Variants in RAD54L2 observed in about 807,000 individuals in gnomAD.
RAD54L2 encodes the protein RAD54 like 2.
Under a neutral mutation model 138.4 loss-of-function variants are expected in RAD54L2, and 27 were observed. That is an observed-to-expected ratio of 0.20 (90% CI 0.14 to 0.27). The LOEUF (loss-of-function observed/expected upper bound fraction) is 0.27. Ranked by LOEUF, RAD54L2 falls within the 10% of genes least tolerant of loss-of-function variation. The pLI, the probability that RAD54L2 is intolerant of heterozygous loss-of-function variation, is 1.00. For missense variants in RAD54L2, 1,396 were observed against 1,890.2 expected, an observed-to-expected ratio of 0.74 and a Z score of 4.85; for synonymous variants, 644 against 723.2, an observed-to-expected ratio of 0.89 and a Z score of 1.76.
At chr3:51,574,416 G>T (rs1442729903) in intron 2 of RAD54L2, among the ~76,000 whole-genome samples, 1 of 152,158 alleles carries the variant, frequency 6.6e-6, no homozygotes, top group Non-Finnish European at 1.5e-5. Context: ...TTGAGGAATC[G>T]CCACACTGTC....
intron 2 of RAD54L2, among the ~76,000 whole-genome samples, chr3:51,557,032 T>C (rs1333563798): frequency 6.6e-6 from 1 of 152,194 alleles, no homozygotes; most frequent in African/African-American, 2.4e-5. Flanking sequence ...TCATCCTTGC[T>C]GGGAGGGATG....
rs769062366 is a variant in RAD54L2, at chr3:51,556,607, G to A, written c.-55+14957G>A. On this transcript the variant is annotated intron_variant, in intron 2 of 22. Coordinates refer to ENST00000684192, the MANE Select transcript of RAD54L2 (RefSeq NM_015106.4). Reference sequence around the variant, plus strand: ...CTCTTTTTTTTTGAGACAGAGTTTCGCTCTTGTTGCCCAGGCTAGAGTGCA... The same window carrying A: ...CTCTTTTTTTTTGAGACAGAGTTTCACTCTTGTTGCCCAGGCTAGAGTGCA... 4.7e-5 allele frequency among the ~76,000 whole-genome samples: 7 copies of A among 149,740 alleles called. No individual in the cohort carries two copies. The East Asian group carries it at 9.9e-4, about 21-fold the overall frequency.
intron 2 of RAD54L2, among the ~76,000 whole-genome samples, chr3:51,589,205 G>T (rs1699781325): frequency 1.3e-5 from 2 of 152,074 alleles, no homozygotes; most frequent in Admixed American, 1.3e-4. Flanking sequence ...TCATAATTTG[G>T]GCTAGACTAC....
intron 2 of RAD54L2, among the ~76,000 whole-genome samples, chr3:51,570,986 T>C (rs185730869): frequency 3.3e-5 from 5 of 152,200 alleles, no homozygotes; most frequent in Admixed American, 3.3e-4. Flanking sequence ...CGTGCCTGGC[T>C]AATTTTTGTA....
chr3:51,648,744 G>A (rs1165846183), intron 19 of RAD54L2, among the ~76,000 whole-genome samples: 1 of 152,196 alleles, frequency 6.6e-6, no homozygotes, highest in Non-Finnish European at 1.5e-5. Context: ...CTACAGAAAG[G>A]AATAGCATCA....
At chr3:51,661,622 AGCTAGAATGCTAGAGG>A (rs1336390120) in intron 22 of RAD54L2, among the ~76,000 whole-genome samples, 2 of 152,178 alleles carry the variant, frequency 1.3e-5, no homozygotes, top group Admixed American at 6.5e-5. Context: ...CCCACCCCTG[AGCTAGAATGCTAGAGG>A]GCTAGAATGC....
chr3:51,618,987 G>C (rs1336827808), intron 3 of RAD54L2, among the ~76,000 whole-genome samples: 2 of 152,142 alleles, frequency 1.3e-5, no homozygotes, highest in African/African-American at 4.8e-5. Flanking sequence ...AGGTCTGCTA[G>C]GTATGCCTTT....
In RAD54L2 at chr3:51,538,866, G is replaced by A. The variant is rs1559608661; in HGVS notation, c.-166G>A. On this transcript the variant is annotated 5_prime_UTR_variant, in exon 1 of 23. Coordinates refer to ENST00000684192, the MANE Select transcript of RAD54L2 (RefSeq NM_015106.4). ...CTAGGCGGGCGAAGCTGAACGTGAG[G>A]TCCCTCGGCCCTGCGCGGTCCGGCG... 6.6e-6 allele frequency among the ~76,000 whole-genome samples: 1 copy of A among 152,046 alleles called. No individual in the cohort carries two copies. Among genetic ancestry groups the A allele is most frequent in the Non-Finnish European group, 1.5e-5 (1 of 67,980 alleles).
chr3:51,582,766 C>CTTTTTTTT (rs61245532), intron 2 of RAD54L2, among the ~76,000 whole-genome samples: 14,168 of 146,432 alleles, frequency 0.097, 1,416 homozygotes, highest in East Asian at 0.32. Context: ...CCAGGGAAGT[C>CTTTTTTTT]TTTTTTTTTT....
chr3:51,650,472 A>G (rs1490225615), intron 19 of RAD54L2, among the ~76,000 whole-genome samples: 1 of 152,214 alleles, frequency 6.6e-6, no homozygotes, highest in African/African-American at 2.4e-5. Flanking sequence ...CCCCAAATCA[A>G]TAGAATACAC....
In RAD54L2 at chr3:51,594,860, C is replaced by CTTTTTTTTTTT. The variant is rs71278623; in HGVS notation, c.139+4322_139+4332dup. 6.0e-5 allele frequency among the ~76,000 whole-genome samples: 2 copies of CTTTTTTTTTTT among 33,600 alleles called. 1 individual carries two copies. Among genetic ancestry groups the CTTTTTTTTTTT allele is most frequent in the African/African-American group, 2.3e-4 (2 of 8,610 alleles). The allele number at this position is 33,600 out of a possible 152,430, so 22.0% of individuals were successfully genotyped here. On this transcript the variant is annotated intron_variant, in intron 3 of 22. Coordinates refer to ENST00000684192, the MANE Select transcript of RAD54L2 (RefSeq NM_015106.4). ...ATAGGCAACATGGAATTGATGGGCG[C>CTTTTTTTTTTT]TTTTTTTTTTTTTTTTTTTTTTTTT...
chr3:51,600,004 C>A (rs1700046646), intron 3 of RAD54L2, among the ~76,000 whole-genome samples: 1 of 152,006 alleles, frequency 6.6e-6, no homozygotes, highest in Non-Finnish European at 1.5e-5. Context: ...TCTCGGATCA[C>A]TGCAACCTCC....
chr3:51,599,953 C>T (rs1031364162), intron 3 of RAD54L2, among the ~76,000 whole-genome samples: 2 of 144,316 alleles, frequency 1.4e-5, no homozygotes, highest in African/African-American at 2.6e-5. Flanking sequence ...TTTTTTGAGA[C>T]GGAGCCTCAC....
intron 15 of RAD54L2, 41 bp from the exon 16 acceptor site, chr3:51,643,834 C>T (rs1040525728): frequency 6.9e-7 from 1 of 1,457,448 alleles, no homozygotes; most frequent in East Asian, 2.4e-5. Context: ...TATATCCTTG[C>T]TCTAATATAT....
chr3:51,596,625 C>T (rs1699968246), intron 3 of RAD54L2, among the ~76,000 whole-genome samples: 1 of 152,214 alleles, frequency 6.6e-6, no homozygotes. Context: ...GATTCCCCTT[C>T]CCACTACCAC....
chr3:51,643,830 C>A, intron 15 of RAD54L2, 45 bp from the exon 16 acceptor site: 1 of 1,435,882 alleles, frequency 7.0e-7, no homozygotes, highest in Non-Finnish European at 9.6e-7. Context: ...GCTGTATATC[C>A]TTGCTCTAAT....
At chr3:51,556,765 G>A (rs982348940) in intron 2 of RAD54L2, among the ~76,000 whole-genome samples, 6 of 151,778 alleles carry the variant, frequency 4.0e-5, no homozygotes, top group African/African-American at 7.3e-5. Context: ...TAGTATAGAC[G>A]GGGTTTCTCC....
intron 3 of RAD54L2, among the ~76,000 whole-genome samples, chr3:51,615,488 C>G (rs1389153598): frequency 6.6e-6 from 1 of 152,128 alleles, no homozygotes; most frequent in Non-Finnish European, 1.5e-5. Context: ...ATATTTTACT[C>G]TAGCGGCAAA....
chr3:51,644,115 CA>C, intron 16 of RAD54L2, 141 bp downstream of exon 16: 2 of 667,790 alleles, frequency 3.0e-6, no homozygotes, highest in South Asian at 4.3e-5. Flanking sequence ...GAGGGAACTT[CA>C]AAAGGAAATT....
Sources: gnomAD v4.1 joint callset for allele counts (sites outside exome capture counted in the v4.1 genomes callset) on GRCh38, gnomAD v4.1.1 for gene constraint, MANE v1.5 for transcripts, NCBI Gene and HGNC (gene_info 2026-07-23, HGNC 2026-07-21) for gene names.